Variants in PDE4D observed in about 807,000 individuals in gnomAD.
PDE4D encodes the protein 3',5'-cyclic-AMP phosphodiesterase 4D.
PDE4D carries 24 observed loss-of-function variants against 87.4 expected under a neutral mutation model. The ratio of observed to expected loss-of-function variants is 0.27; its 90% CI spans 0.20 to 0.39. The LOEUF (loss-of-function observed/expected upper bound fraction) is 0.39. Among genes scored for constraint, PDE4D ranks in the 10% least tolerant of loss-of-function variants. The probability of loss-of-function intolerance (pLI) is 1.00; values close to 1 mark genes in which losing one functional copy is unlikely to be tolerated. For missense variants in PDE4D, 714 were observed against 1,041.0 expected, an observed-to-expected ratio of 0.69 and a Z score of 4.32; for synonymous variants, 384 against 383.2, an observed-to-expected ratio of 1.00 and a Z score of -0.02.
intron 3 of PDE4D, among the ~76,000 whole-genome samples, chr5:59,965,188 T>C (rs1201528480): frequency 2.0e-5 from 3 of 152,098 alleles, no homozygotes; most frequent in Non-Finnish European, 4.4e-5. Flanking sequence ...TCCCAGCAAT[T>C]TCCTGCAACA....
At chr5:59,254,239 T>C (rs1199002476) in intron 1 of PDE4D, among the ~76,000 whole-genome samples, 4 of 152,012 alleles carry the variant, frequency 2.6e-5, no homozygotes. Flanking sequence ...TATTTGCTAA[T>C]ACCATTAATG....
chr5:59,049,964 G>A (rs1320579260), intron 5 of PDE4D, among the ~76,000 whole-genome samples: 7 of 152,134 alleles, frequency 4.6e-5, no homozygotes, highest in Admixed American at 3.9e-4. Flanking sequence ...TGAAGACTGG[G>A]ATTAAGAAAA....
intron 1 of PDE4D, among the ~76,000 whole-genome samples, chr5:60,214,026 G>A (rs1360673243): frequency 6.6e-6 from 1 of 152,160 alleles, no homozygotes; most frequent in Non-Finnish European, 1.5e-5. Context: ...ATACTTAAAT[G>A]AACAAGGTGG....
intron 1 of PDE4D, among the ~76,000 whole-genome samples, chr5:60,347,272 A>G (rs1357446181): frequency 6.6e-6 from 1 of 152,138 alleles, no homozygotes; most frequent in Non-Finnish European, 1.5e-5. Flanking sequence ...TTAGTTCAAA[A>G]AACAGAGAGG....
chr5:59,196,707 G>T (rs1745527788), intron 2 of PDE4D, among the ~76,000 whole-genome samples: 2 of 152,234 alleles, frequency 1.3e-5, no homozygotes, highest in African/African-American at 4.8e-5. Context: ...GGACAAATCA[G>T]TAAACTGTGT....
In PDE4D at chr5:59,532,113, G is replaced by A. The variant is rs564806047; in HGVS notation, c.456-316145C>T. On this transcript the variant is annotated intron_variant, in intron 1 of 14. Transcript: ENST00000340635. ...ACAAACACATATTTGAAGTGCAGGC[G>A]CTAGACATAGACCCTTACTAGATTT... Among the ~76,000 whole-genome samples, 29 of 152,126 alleles carry A rather than the reference G, an allele frequency of 1.9e-4. 1 individual carries two copies. The East Asian group carries it at 1.9e-3, about 10-fold the overall frequency.
At chr5:59,474,899 T>C (rs1803051690) in intron 1 of PDE4D, among the ~76,000 whole-genome samples, 3 of 152,104 alleles carry the variant, frequency 2.0e-5, no homozygotes. Context: ...TATCTACAAC[T>C]GTAGGAACAG....
chr5:60,444,407 T>C (rs951766773), intron 1 of PDE4D, among the ~76,000 whole-genome samples: 4 of 152,130 alleles, frequency 2.6e-5, no homozygotes, highest in African/African-American at 9.7e-5. Context: ...GTGGGCTCTG[T>C]GGTTACAAAA....
intron 1 of PDE4D, among the ~76,000 whole-genome samples, chr5:59,813,341 G>T (rs1324195177): frequency 6.6e-6 from 1 of 152,060 alleles, no homozygotes. Context: ...GAAGGCATAT[G>T]TGTATATATA....
At chr5:59,433,960 T>G (rs997171588) in intron 1 of PDE4D, among the ~76,000 whole-genome samples, 2 of 152,058 alleles carry the variant, frequency 1.3e-5, no homozygotes, top group Admixed American at 1.3e-4. Flanking sequence ...TTTCAGCCTT[T>G]AACTCTACCC....
chr5:59,562,450 G>A (rs547000403), intron 1 of PDE4D, among the ~76,000 whole-genome samples: 37 of 152,306 alleles, frequency 2.4e-4, no homozygotes, highest in African/African-American at 8.7e-4. Flanking sequence ...AATCTTTTGA[G>A]ATTTGACCAG....
chr5:59,874,621 T>C (rs1025951334), intron 1 of PDE4D, among the ~76,000 whole-genome samples: 18 of 152,312 alleles, frequency 1.2e-4, no homozygotes, highest in Middle Eastern at 3.4e-3. Flanking sequence ...TAATATTATA[T>C]GTAAAAAAGA....
At chr5:59,032,533 C>T (rs568020007) in intron 6 of PDE4D, among the ~76,000 whole-genome samples, 2 of 152,216 alleles carry the variant, frequency 1.3e-5, no homozygotes, top group Non-Finnish European at 1.5e-5. Flanking sequence ...GAGCTGAGAT[C>T]GTATCACTGT....
intron 2 of PDE4D, among the ~76,000 whole-genome samples, chr5:59,206,122 A>T (rs1357472390): frequency 2.6e-5 from 4 of 152,170 alleles, no homozygotes; most frequent in Admixed American, 2.6e-4. Context: ...TCTCAAGGCA[A>T]TTAACCGTAG....
chr5:60,370,788 T>A lies in PDE4D; in HGVS notation c.-90+117154A>T, dbSNP rs186413310. On this transcript the variant is annotated intron_variant, in intron 1 of 16. Transcript: ENST00000502484. ...GTGTGTGTGTGTGTGCGTGCGTGCATGCCCACTTGTGTGTAAGAGAGAGGG... is the reference window on the plus strand; with the variant it reads ...GTGTGTGTGTGTGTGCGTGCGTGCAAGCCCACTTGTGTGTAAGAGAGAGGG... Among the ~76,000 whole-genome samples, 57 of 151,902 alleles carry A rather than the reference T, an allele frequency of 3.8e-4. 2 individuals are homozygous for A. Among genetic ancestry groups the A allele is most frequent in the Admixed American group, 1.2e-3 (18 of 15,258 alleles).
intron 1 of PDE4D, among the ~76,000 whole-genome samples, chr5:59,237,184 C>T (rs1298904306): frequency 6.6e-6 from 1 of 152,242 alleles, no homozygotes; most frequent in East Asian, 1.9e-4. Flanking sequence ...TTCCACAATT[C>T]CAAACATCTT....
At chr5:59,440,809 T>C (rs908625143) in intron 1 of PDE4D, among the ~76,000 whole-genome samples, 1 of 152,020 alleles carries the variant, frequency 6.6e-6, no homozygotes, top group Non-Finnish European at 1.5e-5. Flanking sequence ...CAGATCCTCA[T>C]AGTTAAAAGG....
chr5:60,224,248 C>T (rs1171645704), intron 1 of PDE4D, among the ~76,000 whole-genome samples: 2 of 151,996 alleles, frequency 1.3e-5, no homozygotes, highest in Non-Finnish European at 2.9e-5. Flanking sequence ...CTTCTCTGAC[C>T]AAAAGACTTC....
At chr5:60,074,309 T>C (rs1773053742) in intron 2 of PDE4D, among the ~76,000 whole-genome samples, 2 of 152,208 alleles carry the variant, frequency 1.3e-5, no homozygotes, top group African/African-American at 4.8e-5. Flanking sequence ...AAGTGGGTTG[T>C]TTAGTTTCCA....
Sources: gnomAD v4.1 joint callset for allele counts (sites outside exome capture counted in the v4.1 genomes callset) on GRCh38, gnomAD v4.1.1 for gene constraint, MANE v1.5 for transcripts, NCBI Gene and HGNC (gene_info 2026-07-23, HGNC 2026-07-21) for gene names.